Variants in SEMA3A observed in about 807,000 individuals in gnomAD.
SEMA3A encodes the protein semaphorin 3A.
Under a neutral mutation model 97.9 loss-of-function variants are expected in SEMA3A, and 29 were observed. That is an observed-to-expected ratio of 0.30 (90% CI 0.22 to 0.40). SEMA3A has a LOEUF of 0.40. Ranked by LOEUF, SEMA3A falls within the 10% of genes least tolerant of loss-of-function variation. The probability of loss-of-function intolerance (pLI) is 1.00; values close to 1 mark genes in which losing one functional copy is unlikely to be tolerated. For synonymous variants in SEMA3A, 321 were observed against 323.7 expected (o/e 0.99, Z 0.09); for missense variants, 763 against 951.3 (o/e 0.80, Z 2.60).
At chr7:83,964,680 C>A (rs965124459) in intron 15 of SEMA3A, among the ~76,000 whole-genome samples, 1 of 152,092 alleles carries the variant, frequency 6.6e-6, no homozygotes, top group Non-Finnish European at 1.5e-5. Flanking sequence ...AAAACTCTTC[C>A]AATATTGGGA....
chr7:84,488,888 A>G (rs532414077), intron 1 of SEMA3A, among the ~76,000 whole-genome samples: 2 of 152,298 alleles, frequency 1.3e-5, no homozygotes, highest in Non-Finnish European at 1.5e-5. Flanking sequence ...TAAGATGGTC[A>G]GAGATAAAGC....
intron 4 of SEMA3A, among the ~76,000 whole-genome samples, chr7:84,079,810 C>A (rs1794085868): frequency 2.3e-5 from 3 of 128,464 alleles, no homozygotes; most frequent in Admixed American, 7.6e-5. Context: ...CCTCAGGGAT[C>A]TAGAACTAGA....
At chr7:84,105,222 A>C (rs763956515) in intron 4 of SEMA3A, among the ~76,000 whole-genome samples, 8 of 152,182 alleles carry the variant, frequency 5.3e-5, no homozygotes, top group Admixed American at 2.0e-4. Flanking sequence ...CTTGCTCTTC[A>C]TTGGACTAAA....
intron 1 of SEMA3A, among the ~76,000 whole-genome samples, chr7:84,448,124 T>G (rs1805469339): frequency 6.6e-6 from 1 of 152,158 alleles, no homozygotes; most frequent in Non-Finnish European, 1.5e-5. Flanking sequence ...GTGTGGGTTC[T>G]GGGCCAGTAC....
At chr7:84,484,931 T>C (rs908550804) in intron 1 of SEMA3A, among the ~76,000 whole-genome samples, 2 of 152,206 alleles carry the variant, frequency 1.3e-5, no homozygotes, top group African/African-American at 4.8e-5. Context: ...CATGTGGGCA[T>C]CTTGGCATGT....
intron 1 of SEMA3A, among the ~76,000 whole-genome samples, chr7:84,405,659 A>T (rs1323857732): frequency 6.6e-6 from 1 of 152,200 alleles, no homozygotes; most frequent in Non-Finnish European, 1.5e-5. Context: ...AGCACTCCTC[A>T]GCAAATGTAA....
chr7:84,192,440 G>T (rs1288618446), intron 1 of SEMA3A, among the ~76,000 whole-genome samples: 1 of 151,860 alleles, frequency 6.6e-6, no homozygotes, highest in Admixed American at 6.6e-5. Flanking sequence ...GTATCAATGG[G>T]ATTGTTATGT....
intron 1 of SEMA3A, among the ~76,000 whole-genome samples, chr7:84,429,179 T>C (rs1423342202): frequency 1.3e-5 from 2 of 151,980 alleles, no homozygotes. Flanking sequence ...CTCTACTTTA[T>C]TTATGCCTAC....
At chr7:83,998,805 C>CTT (rs1316832826) in intron 12 of SEMA3A, among the ~76,000 whole-genome samples, 2 of 151,806 alleles carry the variant, frequency 1.3e-5, no homozygotes, top group Non-Finnish European at 2.9e-5. Context: ...TTTTAAACTC[C>CTT]TTTTGTTAAA....
At chr7:84,244,547 C>T (rs952306858) in intron 3 of SEMA3A, among the ~76,000 whole-genome samples, 2 of 152,062 alleles carry the variant, frequency 1.3e-5, no homozygotes, top group African/African-American at 4.8e-5. Context: ...TATACAATTT[C>T]CAGTCTGTGT....
At chr7:84,415,833 T>C (rs1804418070) in intron 1 of SEMA3A, among the ~76,000 whole-genome samples, 1 of 139,272 alleles carries the variant, frequency 7.2e-6, no homozygotes, top group South Asian at 2.2e-4. Context: ...TGACAGCGTT[T>C]TTGTATTTTT....
At chr7:84,156,062 T>A (rs951047715) in intron 1 of SEMA3A, among the ~76,000 whole-genome samples, 1 of 152,168 alleles carries the variant, frequency 6.6e-6, no homozygotes, top group African/African-American at 2.4e-5. Flanking sequence ...TCCAATTTTT[T>A]AAAGTTTCTA....
chr7:84,001,602 T>G (rs564143994), intron 12 of SEMA3A, among the ~76,000 whole-genome samples: 107 of 152,230 alleles, frequency 7.0e-4, no homozygotes, highest in African/African-American at 2.6e-3. Context: ...TCATGGAAGT[T>G]ACATATCATT....
chr7:84,485,312 T>C (rs1390791818), intron 1 of SEMA3A, among the ~76,000 whole-genome samples: 15 of 151,812 alleles, frequency 9.9e-5, no homozygotes, highest in Non-Finnish European at 2.2e-4. Context: ...AAAATCAAAG[T>C]TTTTTGGTAC....
intron 1 of SEMA3A, among the ~76,000 whole-genome samples, chr7:84,152,005 C>T (rs1474157895): frequency 6.7e-6 from 1 of 149,604 alleles, no homozygotes; most frequent in Non-Finnish European, 1.5e-5. Flanking sequence ...CCATCTCACA[C>T]CAGTTAGAAT....
intron 1 of SEMA3A, among the ~76,000 whole-genome samples, chr7:84,397,536 C>CAAT (rs1803770774): frequency 6.7e-6 from 1 of 149,400 alleles, no homozygotes; most frequent in Admixed American, 6.7e-5. Context: ...AACATATATA[C>CAAT]ACATAGTGTG....
chr7:84,210,986 G>A (rs116803919), intron 3 of SEMA3A, among the ~76,000 whole-genome samples: 8,584 of 151,978 alleles, frequency 0.056, 259 homozygotes, highest in Non-Finnish European at 0.07. Context: ...AGATATATCT[G>A]GAACAGAACA....
chr7:84,361,186 G>A (rs939272118), intron 2 of SEMA3A, among the ~76,000 whole-genome samples: 1 of 152,036 alleles, frequency 6.6e-6, no homozygotes, highest in Non-Finnish European at 1.5e-5. Context: ...GGGAACAATG[G>A]CTGAGTTTCA....
chr7:84,167,784 AAGTT>A (rs1470830725), intron 1 of SEMA3A, among the ~76,000 whole-genome samples: 1 of 152,174 alleles, frequency 6.6e-6, no homozygotes, highest in African/African-American at 2.4e-5. Flanking sequence ...AATAGGATAA[AAGTT>A]AGCATACTAT....
Sources: allele counts gnomAD v4.1 joint callset (sites outside exome capture counted in the v4.1 genomes callset), GRCh38; gene constraint gnomAD v4.1.1; transcripts MANE v1.5; gene names NCBI Gene and HGNC (gene_info 2026-07-23, HGNC 2026-07-21).